RANBP17: variants seen among roughly 807,000 people sequenced by gnomAD.
RANBP17 encodes RAN binding protein 17.
A neutral mutation model predicts 141.2 loss-of-function variants in RANBP17; 158 were observed. The ratio of observed to expected loss-of-function variants is 1.12; its 90% CI spans 0.98 to 1.28. RANBP17 has a LOEUF of 1.28. Among genes scored for constraint, RANBP17 ranks in the 50% most tolerant of loss-of-function variants. RANBP17 has a pLI of 0.00. For missense variants in RANBP17, 1,438 were observed against 1,290.7 expected (o/e 1.11, Z -1.75); for synonymous variants, 430 against 450.0 (o/e 0.96, Z 0.56).
At chr5:171,170,098 A>G (rs1339741536) in intron 14 of RANBP17, 32 bp from the exon 15 acceptor site, 1 of 1,211,562 alleles carries the variant, frequency 8.3e-7, no homozygotes. Flanking sequence ...TGTTAATAGT[A>G]AAACTTTTAA....
chr5:170,879,163 A>G (rs184397171), intron 2 of RANBP17, among the ~76,000 whole-genome samples: 1 of 152,228 alleles, frequency 6.6e-6, no homozygotes, highest in Non-Finnish European at 1.5e-5. Flanking sequence ...TTTATATTTG[A>G]AAGTATCTTT....
chr5:171,202,857 G>A (rs1355691602), intron 19 of RANBP17, among the ~76,000 whole-genome samples: 2 of 152,136 alleles, frequency 1.3e-5, no homozygotes, highest in Non-Finnish European at 2.9e-5. Flanking sequence ...TTATATAGTA[G>A]AATTATGAGG....
intron 19 of RANBP17, among the ~76,000 whole-genome samples, chr5:171,203,570 T>C (rs1454351851): frequency 1.3e-5 from 2 of 152,150 alleles, no homozygotes; most frequent in East Asian, 3.8e-4. Context: ...GAAACATTGA[T>C]ATAATTTCAT....
chr5:171,295,925 G>GCC lies in RANBP17; in HGVS notation c.3084_3085dup (p.Leu1029ProfsTer15). On this transcript the variant is annotated frameshift_variant, in exon 27 of 28. Coordinates refer to ENST00000523189, the MANE Select transcript of RANBP17 (RefSeq NM_022897.5). LOFTEE classifies it high-confidence loss of function. ...TGAGAGCAAGTTTGATAAACAGCCA[G>GCC]CCCCTCCCCAAGCAGGAGGTCCTTG... is the stretch of plus-strand genomic sequence containing the variant. 1.2e-6 allele frequency: 2 copies of GCC among 1,613,764 alleles called. No individual in the cohort carries two copies. The highest frequency in any genetic ancestry group is 1.7e-6 in the Non-Finnish European group (2 of 1,179,778).
intron 3 of RANBP17, among the ~76,000 whole-genome samples, chr5:170,884,598 G>T (rs1204374788): frequency 6.6e-6 from 1 of 152,040 alleles, no homozygotes. Context: ...CGGGGTGGCA[G>T]AGGCAGAGGA....
Position 170,892,438 on chromosome 5 carries a change from T to G in RANBP17, c.308T>G (p.Val103Gly). Residue 103 changes from valine to glycine, a missense_variant, in exon 4 of 28, where the codon GTC (valine) becomes GGC (glycine). Coordinates refer to ENST00000523189, the MANE Select transcript of RANBP17 (RefSeq NM_022897.5). ...VASQPKLAPFVIQALIQVIAK... is the reference protein window; with the variant it reads ...VASQPKLAPFGIQALIQVIAK... ...TCACAGCCCAAGCTGGCTCCCTTTG[T>G]CATCCAAGCTCTTATTCAAGTCATT... 1 of 1,614,018 alleles carries G rather than the reference T, an allele frequency of 6.2e-7. No homozygotes were observed. The highest frequency in any genetic ancestry group is 1.1e-5 in the South Asian group (1 of 91,058).
chr5:171,126,571 C>G (rs1279023719), intron 14 of RANBP17, among the ~76,000 whole-genome samples: 1 of 152,042 alleles, frequency 6.6e-6, no homozygotes, highest in Admixed American at 6.5e-5. Context: ...TGATAAGCTG[C>G]TAGCTAAACT....
intron 13 of RANBP17, among the ~76,000 whole-genome samples, chr5:170,967,878 CCTT>C (rs959800938): frequency 3.3e-5 from 5 of 151,400 alleles, no homozygotes; most frequent in African/African-American, 9.7e-5. Context: ...TACTTAATAT[CCTT>C]CTTCTTTTAC....
At chr5:170,891,458 G>A (rs894796970) in intron 3 of RANBP17, among the ~76,000 whole-genome samples, 1 of 152,126 alleles carries the variant, frequency 6.6e-6, no homozygotes, top group Non-Finnish European at 1.5e-5. Flanking sequence ...AGGTATATGC[G>A]TTTTGTTCAG....
chr5:171,028,766 A>G, intron 14 of RANBP17: 1 of 451,898 alleles, frequency 2.2e-6, no homozygotes, highest in South Asian at 1.8e-5. Context: ...AAGAGCTAGT[A>G]GCTAATGAAG....
chr5:170,897,555 C>T (rs1164068858), intron 5 of RANBP17, among the ~76,000 whole-genome samples: 2 of 150,682 alleles, frequency 1.3e-5, no homozygotes, highest in African/African-American at 4.9e-5. Flanking sequence ...TGCTATCCCT[C>T]CCCTAGCCCC....
In RANBP17 at chr5:171,197,810, G is replaced by A. The variant is rs563797124; in HGVS notation, c.2039-1860G>A. Among the ~76,000 whole-genome samples the A allele has an allele frequency of 1.2e-4, 19 of 152,228 alleles. No individual in the cohort carries two copies. In the East Asian group the frequency reaches 1.7e-3, roughly 14 times the overall value. ...TCCCAGCAATTTGGGAGGCCGAGGC[G>A]GGCGGATCACGAGGTCAGGAGATCA... is the stretch of plus-strand genomic sequence containing the variant. On this transcript the variant is annotated intron_variant, in intron 18 of 27. Transcript: ENST00000523189.
At chr5:170,989,443 T>C (rs192179791) in intron 14 of RANBP17, among the ~76,000 whole-genome samples, 1 of 151,834 alleles carries the variant, frequency 6.6e-6, no homozygotes. Flanking sequence ...GATCCTTTAA[T>C]GTCAAATGTT....
intron 5 of RANBP17, among the ~76,000 whole-genome samples, chr5:170,907,180 T>C (rs1401132117): frequency 2.6e-5 from 4 of 151,938 alleles, no homozygotes; most frequent in Non-Finnish European, 4.4e-5. Context: ...ATATAAGTTA[T>C]CCTGCTGTTT....
intron 14 of RANBP17, among the ~76,000 whole-genome samples, chr5:171,025,750 G>C (rs1781195280): frequency 6.6e-6 from 1 of 151,478 alleles, no homozygotes; most frequent in East Asian, 1.9e-4. Context: ...TGTTGTTGTT[G>C]TTTTCAGTAC....
chr5:171,078,997 A>G (rs1785104039), intron 14 of RANBP17, among the ~76,000 whole-genome samples: 1 of 152,188 alleles, frequency 6.6e-6, no homozygotes, highest in Admixed American at 6.5e-5. Context: ...TCTCTGATGG[A>G]TCTGGGCAAA....
intron 14 of RANBP17, among the ~76,000 whole-genome samples, chr5:170,969,537 G>C (rs965826692): frequency 6.6e-6 from 1 of 151,914 alleles, no homozygotes; most frequent in Admixed American, 6.6e-5. Flanking sequence ...AATATGTCCA[G>C]AGAGTATCTT....
At chr5:170,988,807 TCTTA>T (rs1778322559) in intron 14 of RANBP17, among the ~76,000 whole-genome samples, 1 of 151,780 alleles carries the variant, frequency 6.6e-6, no homozygotes. Flanking sequence ...GCCAGATACC[TCTTA>T]CTGTTTATTA....
intron 14 of RANBP17, among the ~76,000 whole-genome samples, chr5:171,052,830 A>G (rs1783042494): frequency 6.6e-6 from 1 of 152,148 alleles, no homozygotes. Context: ...AATAATATTA[A>G]GTCTTCTAAC....
Sources: gnomAD v4.1 joint callset for allele counts (sites outside exome capture counted in the v4.1 genomes callset) on GRCh38, gnomAD v4.1.1 for gene constraint, MANE v1.5 for transcripts, NCBI Gene and HGNC (gene_info 2026-07-23, HGNC 2026-07-21) for gene names.